NKAIN2: variants seen among roughly 807,000 people sequenced by gnomAD.
NKAIN2 encodes sodium/potassium transporting ATPase interacting 2, also known as sodium/potassium-transporting ATPase subunit beta-1-interacting protein 2.
In NKAIN2, 14 loss-of-function variants were observed where a neutral mutation model predicts 32.6. The ratio of observed to expected loss-of-function variants is 0.43; its 90% CI spans 0.28 to 0.67. The LOEUF is 0.67. Among genes scored for constraint, NKAIN2 ranks in the 30% least tolerant of loss-of-function variants. The probability of loss-of-function intolerance (pLI) is 0.17; values close to 1 mark genes in which losing one functional copy is unlikely to be tolerated. For synonymous variants in NKAIN2, 80 were observed against 87.2 expected, an observed-to-expected ratio of 0.92 and a Z score of 0.46; for missense variants, 198 against 258.3, an observed-to-expected ratio of 0.77 and a Z score of 1.60.
At chr6:123,808,858 T>TAAATAAAG (rs1190669568) in intron 1 of NKAIN2, among the ~76,000 whole-genome samples, 1 of 152,234 alleles carries the variant, frequency 6.6e-6, no homozygotes, top group Non-Finnish European at 1.5e-5. Context: ...AGTCAGGGAT[T>TAAATAAAG]CCTTAAAATA....
intron 1 of NKAIN2, among the ~76,000 whole-genome samples, chr6:124,142,613 A>G (rs1469227442): frequency 3.3e-5 from 5 of 152,150 alleles, no homozygotes; most frequent in Admixed American, 2.6e-4. Flanking sequence ...TTAAATTTAC[A>G]TATTTCAATA....
intron 3 of NKAIN2, among the ~76,000 whole-genome samples, chr6:124,623,631 G>T (rs567288035): frequency 8.5e-5 from 13 of 152,294 alleles, no homozygotes; most frequent in African/African-American, 3.1e-4. Flanking sequence ...CTCAAGCTTT[G>T]TTAAGAACAT....
At chr6:123,830,094 C>T (rs892949773) in intron 1 of NKAIN2, among the ~76,000 whole-genome samples, 6 of 152,068 alleles carry the variant, frequency 3.9e-5, no homozygotes, top group Admixed American at 2.6e-4. Flanking sequence ...TCTCTCGCCC[C>T]GTGTGCTGTC....
chr6:124,528,925 G>T (rs924185294), intron 3 of NKAIN2, among the ~76,000 whole-genome samples: 1 of 152,064 alleles, frequency 6.6e-6, no homozygotes, highest in Non-Finnish European at 1.5e-5. Context: ...TGAAATCAAG[G>T]TTTCAGTTAG....
At position 124,772,081 on chromosome 6, in the gene NKAIN2, T is replaced by C. The variant is rs538830911; in HGVS notation, c.475-19258T>C. ...TTGTCATGAAAGAGTGAGAAAGATA[T>C]TTTTTAAAGAGTAATGGCATAATAG... On this transcript the variant is annotated intron_variant, in intron 4 of 6. Transcript: ENST00000368417. Among the ~76,000 whole-genome samples, 3 of 152,316 alleles carry C rather than the reference T, an allele frequency of 2.0e-5. No homozygotes were observed. The South Asian group carries it at 6.2e-4, about 32-fold the overall frequency.
At chr6:123,984,849 CTT>C (rs1779062881) in intron 1 of NKAIN2, among the ~76,000 whole-genome samples, 1 of 151,920 alleles carries the variant, frequency 6.6e-6, no homozygotes. Flanking sequence ...ATATAAATGA[CTT>C]TTTATAATAA....
chr6:124,791,015 A>C (rs2114806892), intron 4 of NKAIN2, among the ~76,000 whole-genome samples: 1 of 152,274 alleles, frequency 6.6e-6, no homozygotes, highest in South Asian at 2.1e-4. Context: ...GTTGATGGGC[A>C]CAAATGCAAA....
intron 3 of NKAIN2, among the ~76,000 whole-genome samples, chr6:124,517,728 AT>A (rs1326304782): frequency 2.0e-5 from 3 of 152,140 alleles, no homozygotes; most frequent in African/African-American, 7.2e-5. Context: ...ATTACAATTG[AT>A]TCTGAGTTTT....
intron 1 of NKAIN2, among the ~76,000 whole-genome samples, chr6:124,035,299 C>A (rs1469969806): frequency 1.3e-5 from 2 of 152,026 alleles, no homozygotes; most frequent in Admixed American, 6.6e-5. Context: ...AGCTAATAAA[C>A]CTTAACTGTA....
At chr6:123,913,322 C>T (rs1162239105) in intron 1 of NKAIN2, among the ~76,000 whole-genome samples, 2 of 152,078 alleles carry the variant, frequency 1.3e-5, no homozygotes, top group Admixed American at 6.6e-5. Context: ...AAAAGTTCTG[C>T]AAATAAAGGT....
rs113196114 is a variant in NKAIN2, at chr6:123,976,900, T to C, written c.54+172646T>C. Reference sequence around the variant, plus strand: ...TTCTCTGAAGATTTAGAAGAATAGGTAAGAAAGTGGCACGGATAATAGTAA... The same window carrying C: ...TTCTCTGAAGATTTAGAAGAATAGGCAAGAAAGTGGCACGGATAATAGTAA... On this transcript the variant is annotated intron_variant, in intron 1 of 6. Coordinates refer to ENST00000368417, the MANE Select transcript of NKAIN2 (RefSeq NM_001040214.3). Among the ~76,000 whole-genome samples the C allele has an allele frequency of 7.2e-5, 11 of 152,312 alleles. 1 individual carries two copies. The highest frequency in any genetic ancestry group is 6.8e-3 in the Middle Eastern group (2 of 294).
chr6:124,043,575 A>G (rs1259575286), intron 1 of NKAIN2, among the ~76,000 whole-genome samples: 1 of 152,062 alleles, frequency 6.6e-6, no homozygotes, highest in Non-Finnish European at 1.5e-5. Flanking sequence ...GGCAGACAAT[A>G]TTCATTTTGA....
chr6:123,898,640 A>G (rs1349946519), intron 1 of NKAIN2, among the ~76,000 whole-genome samples: 1 of 151,762 alleles, frequency 6.6e-6, no homozygotes, highest in East Asian at 1.9e-4. Context: ...ACTTAAATTA[A>G]TGAGTACCAG....
intron 1 of NKAIN2, among the ~76,000 whole-genome samples, chr6:124,018,321 C>T (rs968541548): frequency 6.6e-6 from 1 of 152,126 alleles, no homozygotes. Flanking sequence ...GAGAGGCTGC[C>T]ACAGAAGTCC....
chr6:124,754,649 C>T (rs181002438), intron 4 of NKAIN2, among the ~76,000 whole-genome samples: 6 of 152,020 alleles, frequency 3.9e-5, no homozygotes, highest in South Asian at 2.1e-4. Context: ...GATGCTGGAG[C>T]GGCTGTGGAG....
At chr6:124,003,695 G>C (rs1779964293) in intron 1 of NKAIN2, among the ~76,000 whole-genome samples, 1 of 152,154 alleles carries the variant, frequency 6.6e-6, no homozygotes, top group African/African-American at 2.4e-5. Context: ...TGGGGGAACA[G>C]AGTTGCCTGT....
intron 1 of NKAIN2, among the ~76,000 whole-genome samples, chr6:124,181,775 G>C (rs533537523): frequency 1.3e-5 from 2 of 152,178 alleles, no homozygotes; most frequent in South Asian, 2.1e-4. Context: ...CCTCAGCCTG[G>C]ACTTTACTGT....
intron 1 of NKAIN2, among the ~76,000 whole-genome samples, chr6:124,048,761 C>G (rs975254419): frequency 4.6e-5 from 7 of 151,838 alleles, no homozygotes; most frequent in Non-Finnish European, 7.4e-5. Flanking sequence ...CACCTGTCAA[C>G]AGAAAAGTAA....
chr6:123,863,933 G>C (rs938443586), intron 1 of NKAIN2, among the ~76,000 whole-genome samples: 1 of 151,802 alleles, frequency 6.6e-6, no homozygotes, highest in African/African-American at 2.4e-5. Flanking sequence ...ACTTAATGAA[G>C]AAAAAAGGAG....
Sources: gnomAD v4.1 joint callset for allele counts (sites outside exome capture counted in the v4.1 genomes callset) on GRCh38, gnomAD v4.1.1 for gene constraint, MANE v1.5 for transcripts, NCBI Gene and HGNC (gene_info 2026-07-23, HGNC 2026-07-21) for gene names.